Variants in DLC1 observed in about 807,000 individuals in gnomAD.
The protein encoded by DLC1 is DLC1 Rho GTPase activating protein.
DLC1 carries 54 observed loss-of-function variants against 140.3 expected under a neutral mutation model. That is an observed-to-expected ratio of 0.38 (90% confidence interval 0.31 to 0.48). The LOEUF is 0.48. DLC1 is among the 20% of genes least tolerant of loss of function. The pLI, the probability that DLC1 is intolerant of heterozygous loss-of-function variation, is 0.96. For missense variants in DLC1, 2,536 were observed against 1,907.0 expected (o/e 1.33, Z -6.14); for synonymous variants, 986 against 728.1 (o/e 1.35, Z -5.70).
At chr8:13,472,528 G>A (rs1800254749) in intron 2 of DLC1, among the ~76,000 whole-genome samples, 1 of 152,176 alleles carries the variant, frequency 6.6e-6, no homozygotes, top group South Asian at 2.1e-4. Flanking sequence ...CATACTGTGA[G>A]AATTGGCCTG....
chr8:13,110,604 G>T lies in DLC1; in HGVS notation c.1502+138C>A, dbSNP rs149834564. ...ATTTTACTTAGTTTTTAATTAAAAG[G>T]TCTATGATCACTCTATGGTTTGCCA... On this transcript the variant is annotated intron_variant, in intron 7 of 17. Coordinates refer to ENST00000276297, the MANE Select transcript of DLC1 (RefSeq NM_182643.3). The T allele has an allele frequency of 1.2e-3, 956 of 772,004 alleles. 10 individuals carry two copies. The African/African-American group carries it at 0.014, about 12-fold the overall frequency. 47.8% of individuals were successfully genotyped at this position (772,004 alleles called of 1,614,324 possible). A position where few individuals can be genotyped will look rare whatever the true frequency, so the allele number is the denominator to read the frequency against.
In DLC1 at chr8:13,272,829, G is replaced by A. The variant is rs554011327; in HGVS notation, c.1348+32440C>T. ...GCAGAGCTTAAAGTGAGCCGAGATC[G>A]CGCCACTGCATTCCAACCTGGGTGA... On this transcript the variant is annotated intron_variant, in intron 5 of 17. Coordinates refer to ENST00000276297, the MANE Select transcript of DLC1 (RefSeq NM_182643.3). Among the ~76,000 whole-genome samples the A allele has an allele frequency of 3.9e-5, 6 of 152,240 alleles. No individual in the cohort carries two copies. In the East Asian group the frequency reaches 5.8e-4, roughly 15 times the overall value.
intron 1 of DLC1, among the ~76,000 whole-genome samples, chr8:13,530,278 C>T (rs1301462484): frequency 1.3e-5 from 2 of 152,142 alleles, no homozygotes; most frequent in South Asian, 2.1e-4. Context: ...TCTGGTCTTG[C>T]GAATATGTCC....
intron 5 of DLC1, among the ~76,000 whole-genome samples, chr8:13,196,326 T>C (rs1827053672): frequency 6.6e-6 from 1 of 152,186 alleles, no homozygotes; most frequent in African/African-American, 2.4e-5. Context: ...AAATATTTTA[T>C]TATTGTGTAT....
At chr8:13,522,974 G>A (rs567102004) in intron 1 of DLC1, among the ~76,000 whole-genome samples, 13 of 152,210 alleles carry the variant, frequency 8.5e-5, no homozygotes, top group African/African-American at 2.4e-4. Context: ...GAATTAATGT[G>A]GCTAAAATGG....
intron 6 of DLC1, among the ~76,000 whole-genome samples, chr8:13,113,293 T>C (rs1054282377): frequency 1.3e-5 from 2 of 151,990 alleles, no homozygotes; most frequent in Admixed American, 6.5e-5. Flanking sequence ...GGGACATGTG[T>C]GGGTTGGTAT....
intron 5 of DLC1, among the ~76,000 whole-genome samples, chr8:13,117,802 A>G (rs1412073414): frequency 5.9e-5 from 9 of 152,218 alleles, no homozygotes. Context: ...TTAGATACCA[A>G]TTCACTAGCC....
chr8:13,418,924 C>G (rs373783182), intron 2 of DLC1, among the ~76,000 whole-genome samples: 1 of 151,954 alleles, frequency 6.6e-6, no homozygotes, highest in South Asian at 2.1e-4. Flanking sequence ...TGAAGAGGTC[C>G]TTCACGTCCC....
intron 5 of DLC1, among the ~76,000 whole-genome samples, chr8:13,196,868 G>C (rs780255212): frequency 6.6e-6 from 1 of 152,226 alleles, no homozygotes; most frequent in African/African-American, 2.4e-5. Flanking sequence ...TGGAGCTACA[G>C]TGGGGTGTGA....
At chr8:13,303,732 G>A (rs1392674901) in intron 5 of DLC1, among the ~76,000 whole-genome samples, 2 of 152,134 alleles carry the variant, frequency 1.3e-5, no homozygotes, top group Admixed American at 6.5e-5. Flanking sequence ...AATCTGGGAG[G>A]TGGAGGTTGC....
At chr8:13,376,132 C>T (rs1351535328) in intron 4 of DLC1, among the ~76,000 whole-genome samples, 1 of 152,120 alleles carries the variant, frequency 6.6e-6, no homozygotes, top group Non-Finnish European at 1.5e-5. Flanking sequence ...ATGGTTTGGC[C>T]ATGAGAAACT....
intron 1 of DLC1, chr8:13,567,557 C>T (rs368328836): frequency 1.3e-6 from 2 of 1,551,622 alleles, no homozygotes; most frequent in Admixed American, 2.0e-5. Flanking sequence ...AAACAGGAGG[C>T]AGCAGCTAAG....
rs1026546678 is a variant in DLC1 at position 13,355,647 on chromosome 8, C to T, written c.1314+37906G>A. On this transcript the variant is annotated intron_variant, in intron 4 of 17. Coordinates refer to ENST00000276297, the MANE Select transcript of DLC1 (RefSeq NM_182643.3). ...AAAACAATTACATCTGGGGTTAGGG[C>T]TTCAATATATGAATTTTGCAAGGAC... Among the ~76,000 whole-genome samples the T allele has an allele frequency of 3.9e-5, 6 of 152,260 alleles. No homozygotes were observed. In the South Asian group the frequency reaches 8.3e-4, roughly 21 times the overall value.
chr8:13,308,266 A>G (rs1038092021), intron 4 of DLC1, among the ~76,000 whole-genome samples: 2 of 152,152 alleles, frequency 1.3e-5, no homozygotes, highest in Non-Finnish European at 2.9e-5. Flanking sequence ...ATGTCACCAC[A>G]CTCTGCATGA....
intron 5 of DLC1, among the ~76,000 whole-genome samples, chr8:13,292,180 T>C (rs566775952): frequency 6.6e-6 from 1 of 152,308 alleles, no homozygotes; most frequent in South Asian, 2.1e-4. Flanking sequence ...TGAAGGAGTT[T>C]GTATGAGTGT....
In DLC1 at chr8:13,099,489, T is replaced by C. The variant is rs986212493; in HGVS notation, c.2848A>G (p.Ile950Val). 3.1e-6 allele frequency: 5 copies of C among 1,613,902 alleles called. No individual in the cohort carries two copies. The Middle Eastern group carries it at 4.9e-4, about 159-fold the overall frequency. The change falls in exon 9 of 18, where the codon ATA becomes GTA. Residue 950 changes from isoleucine (I) to valine (V), a missense_variant. Transcript: ENST00000276297. ...VSPCPSSPKQ[I>V]HLDVDNDRTT... ...CGGTCGTTGTCCACATCCAGGTGTA[T>C]CTGTTTTGGAGAGGACGGGCAGGGA...
intron 5 of DLC1, among the ~76,000 whole-genome samples, chr8:13,178,372 C>T (rs75351622): frequency 0.059 from 8,949 of 152,018 alleles, 330 homozygotes; most frequent in South Asian, 0.12. Context: ...ACCATCCTGG[C>T]CAACACACTG....
intron 13 of DLC1, among the ~76,000 whole-genome samples, chr8:13,092,314 T>A (rs1184183294): frequency 6.6e-6 from 1 of 152,210 alleles, no homozygotes; most frequent in Non-Finnish European, 1.5e-5. Flanking sequence ...TGCACTAGCA[T>A]AACTAGGCCC....
chr8:13,286,763 C>G (rs113931774), intron 5 of DLC1, among the ~76,000 whole-genome samples: 2 of 149,020 alleles, frequency 1.3e-5, no homozygotes, highest in African/African-American at 4.9e-5. Flanking sequence ...AAGTGAAACT[C>G]TTACTCTTTT....
Sources: gnomAD v4.1 joint callset for allele counts (sites outside exome capture counted in the v4.1 genomes callset) on GRCh38, gnomAD v4.1.1 for gene constraint, MANE v1.5 for transcripts, NCBI Gene and HGNC (gene_info 2026-07-23, HGNC 2026-07-21) for gene names.